DYNC1I1: variants seen among roughly 807,000 people sequenced by gnomAD.
DYNC1I1 encodes dynein cytoplasmic 1 intermediate chain 1.
DYNC1I1 carries 43 observed loss-of-function variants against 86.6 expected under a neutral mutation model. The ratio of observed to expected loss-of-function variants is 0.50; its 90% CI spans 0.39 to 0.64. The LOEUF (loss-of-function observed/expected upper bound fraction) is 0.64. Among genes scored for constraint, DYNC1I1 ranks in the 30% least tolerant of loss-of-function variants. DYNC1I1 has a pLI of 0.00. For synonymous variants in DYNC1I1, 262 were observed against 283.7 expected (o/e 0.92, Z 0.77); for missense variants, 604 against 788.8 (o/e 0.77, Z 2.81).
At chr7:95,993,210 C>T (rs141334871) in intron 9 of DYNC1I1, among the ~76,000 whole-genome samples, 11 of 152,194 alleles carry the variant, frequency 7.2e-5, no homozygotes, top group African/African-American at 2.4e-4. Context: ...CAAAAACTTG[C>T]GTGAGATAAA....
At chr7:95,946,707 G>T (rs531588134) in intron 6 of DYNC1I1, among the ~76,000 whole-genome samples, 1 of 152,316 alleles carries the variant, frequency 6.6e-6, no homozygotes, top group African/African-American at 2.4e-5. Context: ...TCTAGTAAGT[G>T]CATACCCTGA....
intron 16 of DYNC1I1, among the ~76,000 whole-genome samples, chr7:96,108,257 T>C (rs1791250959): frequency 6.6e-6 from 1 of 152,212 alleles, no homozygotes; most frequent in Admixed American, 6.5e-5. Context: ...GTATGTTTAC[T>C]GTCCTGCAAC....
intron 4 of DYNC1I1, among the ~76,000 whole-genome samples, chr7:95,818,110 A>G (rs1794987421): frequency 6.6e-6 from 1 of 152,188 alleles, no homozygotes. Context: ...CACCCATTGC[A>G]TAACATCCTT....
intron 16 of DYNC1I1, among the ~76,000 whole-genome samples, chr7:96,087,588 A>G (rs2116300422): frequency 6.6e-6 from 1 of 152,304 alleles, no homozygotes; most frequent in African/African-American, 2.4e-5. Context: ...ACTTCCTTTG[A>G]TTTTCTCTCC....
intron 6 of DYNC1I1, among the ~76,000 whole-genome samples, chr7:95,893,203 G>A (rs1451894787): frequency 6.6e-6 from 1 of 152,176 alleles, no homozygotes; most frequent in Non-Finnish European, 1.5e-5. Flanking sequence ...GAAGGGCTGT[G>A]ATGTTGAGGA....
intron 10 of DYNC1I1, among the ~76,000 whole-genome samples, chr7:96,020,021 A>G (rs887677045): frequency 2.0e-5 from 3 of 151,698 alleles, no homozygotes; most frequent in South Asian, 4.2e-4. Flanking sequence ...AAGAACTGTC[A>G]TGCTCCTATT....
chr7:95,999,931 G>A (rs1430376816), intron 10 of DYNC1I1, among the ~76,000 whole-genome samples: 4 of 152,008 alleles, frequency 2.6e-5, no homozygotes, highest in East Asian at 1.9e-4. Context: ...TCTACAAAAC[G>A]GCTGTGGACA....
At chr7:95,894,460 G>C (rs796692072) in intron 6 of DYNC1I1, among the ~76,000 whole-genome samples, 43 of 1,648 alleles carry the variant, frequency 0.026, no homozygotes, top group Non-Finnish European at 0.066. Flanking sequence ...CCTGAATTTG[G>C]GGGGGGGACA....
chr7:95,859,154 G>GT (rs996499066), intron 5 of DYNC1I1, among the ~76,000 whole-genome samples: 8 of 150,346 alleles, frequency 5.3e-5, no homozygotes, highest in Non-Finnish European at 1.0e-4. Flanking sequence ...ATTTTTGTTT[G>GT]TTTTTTTAAA....
chr7:95,998,032 AT>A (rs1793913607), intron 10 of DYNC1I1, among the ~76,000 whole-genome samples: 1 of 152,226 alleles, frequency 6.6e-6, no homozygotes, highest in Non-Finnish European at 1.5e-5. Context: ...AATAAAGGCA[AT>A]TTGGTTACCT....
chr7:95,851,283 A>G (rs991144332), intron 5 of DYNC1I1, among the ~76,000 whole-genome samples: 6 of 152,108 alleles, frequency 3.9e-5, no homozygotes, highest in African/African-American at 1.4e-4. Context: ...TAACTGACTC[A>G]TTTGTGGGTA....
chr7:95,830,935 T>C (rs1341893272), intron 5 of DYNC1I1, among the ~76,000 whole-genome samples: 1 of 152,130 alleles, frequency 6.6e-6, no homozygotes, highest in East Asian at 1.9e-4. Flanking sequence ...TGGTATTTCA[T>C]TGTGGTTTTA....
intron 14 of DYNC1I1, among the ~76,000 whole-genome samples, chr7:96,058,214 A>T (rs934937701): frequency 6.6e-6 from 1 of 152,202 alleles, no homozygotes; most frequent in Non-Finnish European, 1.5e-5. Flanking sequence ...GTTAGATTTT[A>T]TCAATTATTT....
chr7:95,912,406 G>T (rs181268388), intron 6 of DYNC1I1, among the ~76,000 whole-genome samples: 53 of 152,296 alleles, frequency 3.5e-4, no homozygotes, highest in African/African-American at 1.2e-3. Context: ...TATCTGGCTT[G>T]TTCTGTTCTC....
rs11285708 is a variant in DYNC1I1, at chr7:96,089,155, TAA to T, written c.1777-8316_1777-8315del. Among the ~76,000 whole-genome samples, 1,360 of 147,752 alleles carry T rather than the reference TAA, an allele frequency of 9.2e-3. 17 individuals carry two copies. Among genetic ancestry groups the T allele is most frequent in the African/African-American group, 0.03 (1,196 of 40,342 alleles). The stretch of plus-strand genomic sequence containing the variant: ...AAAGTGAACACCTTCTAGTATGATT[TAA>T]AAAAAAAAAAAGTTACCCTTGTGAC... On this transcript the variant is annotated intron_variant, in intron 16 of 16. Coordinates refer to ENST00000447467, the MANE Select transcript of DYNC1I1 (RefSeq NM_001135556.2).
chr7:96,097,147 C>T lies in DYNC1I1; in HGVS notation c.1777-336C>T, dbSNP rs142968220. 2.8e-3 allele frequency among the ~76,000 whole-genome samples: 420 copies of T among 152,172 alleles called. 5 individuals carry two copies. Among genetic ancestry groups the T allele is most frequent in the African/African-American group, 9.5e-3 (394 of 41,516 alleles). On this transcript the variant is annotated intron_variant, in intron 16 of 16. Transcript: ENST00000447467. ...GGTCATTATATGCAGTTTTTATTTGCGTGTTCACTGTAAGTCTGGTCTTCT... is the reference window on the plus strand; with the variant it reads ...GGTCATTATATGCAGTTTTTATTTGTGTGTTCACTGTAAGTCTGGTCTTCT...
chr7:95,846,548 G>C (rs1789430890), intron 5 of DYNC1I1, among the ~76,000 whole-genome samples: 2 of 151,880 alleles, frequency 1.3e-5, no homozygotes, highest in South Asian at 4.1e-4. Context: ...GAAGTAGTCA[G>C]AAAAAGTCAA....
At chr7:95,905,883 A>T (rs1791163412) in intron 6 of DYNC1I1, among the ~76,000 whole-genome samples, 1 of 152,102 alleles carries the variant, frequency 6.6e-6, no homozygotes, top group Admixed American at 6.6e-5. Context: ...CTTTATAGTC[A>T]TTCATTTCAA....
chr7:95,866,268 A>G (rs963527825), intron 5 of DYNC1I1, among the ~76,000 whole-genome samples: 1 of 152,122 alleles, frequency 6.6e-6, no homozygotes, highest in Non-Finnish European at 1.5e-5. Context: ...TGTCCTAACA[A>G]TCTAAACCAG....
Sources: allele counts gnomAD v4.1 joint callset (sites outside exome capture counted in the v4.1 genomes callset), GRCh38; gene constraint gnomAD v4.1.1; transcripts MANE v1.5; gene names NCBI Gene and HGNC (gene_info 2026-07-23, HGNC 2026-07-21).